SHROOM3: variants seen among roughly 807,000 people sequenced by gnomAD.
SHROOM3 encodes protein Shroom3.
SHROOM3 carries 47 observed loss-of-function variants against 138.6 expected under a neutral mutation model. The ratio of observed to expected loss-of-function variants is 0.34; its 90% CI spans 0.27 to 0.43. The LOEUF (loss-of-function observed/expected upper bound fraction) is 0.43, where lower values mean the gene tolerates loss of function less well. Ranked by LOEUF, SHROOM3 falls within the 20% of genes least tolerant of loss-of-function variation. The probability of loss-of-function intolerance (pLI) is 1.00; values close to 1 mark genes in which losing one functional copy is unlikely to be tolerated. For synonymous variants in SHROOM3, 1,062 were observed against 1,063.3 expected, an observed-to-expected ratio of 1.00 and a Z score of 0.02; for missense variants, 2,491 against 2,596.5, an observed-to-expected ratio of 0.96 and a Z score of 0.88.
Position 76,781,591 on chromosome 4 carries a change from C to T in SHROOM3, c.*2414C>T, listed in dbSNP as rs1174839747. 1 of 152,224 alleles carries T rather than the reference C, an allele frequency of 6.6e-6. No individual in the cohort carries two copies. The highest frequency in any genetic ancestry group is 2.4e-5 in the African/African-American group (1 of 41,454). 9.4% of individuals were successfully genotyped at this position (152,224 alleles called of 1,614,324 possible). On this transcript the variant is annotated 3_prime_UTR_variant, in exon 11 of 11. Transcript: ENST00000296043. ...GTTCTGTTATGTGAAATGGGTAAGG[C>T]ACCAAGTGAGACTTTGAAATCTAAT...
At chr4:76,765,678 ACAGACATCTAT>A (rs2109787212) in intron 9 of SHROOM3, among the ~76,000 whole-genome samples, 1 of 152,316 alleles carries the variant, frequency 6.6e-6, no homozygotes, top group South Asian at 2.1e-4. Context: ...TATTCCCCCT[ACAGACATCTAT>A]CTAATATGAG....
intron 1 of SHROOM3, among the ~76,000 whole-genome samples, chr4:76,502,685 TA>T (rs1027570510): frequency 2.4e-4 from 37 of 152,322 alleles, no homozygotes; most frequent in African/African-American, 8.4e-4. Flanking sequence ...CATGGCTTTG[TA>T]TGGTTTTTAA....
At chr4:76,616,871 CA>C (rs1734894120) in intron 2 of SHROOM3, among the ~76,000 whole-genome samples, 1 of 152,186 alleles carries the variant, frequency 6.6e-6, no homozygotes, top group Non-Finnish European at 1.5e-5. Flanking sequence ...AAAGAAATAA[CA>C]ATAATTGGTC....
intron 2 of SHROOM3, among the ~76,000 whole-genome samples, chr4:76,590,082 C>T (rs1337458883): frequency 1.3e-5 from 2 of 152,148 alleles, no homozygotes; most frequent in African/African-American, 4.8e-5. Flanking sequence ...CACTAAAATG[C>T]TTCAGGCCAA....
chr4:76,777,074 A>G (rs976652206), intron 10 of SHROOM3, among the ~76,000 whole-genome samples: 3 of 152,128 alleles, frequency 2.0e-5, no homozygotes, highest in African/African-American at 4.8e-5. Context: ...TGCTTTGGCT[A>G]TGCGGGCTCT....
intron 2 of SHROOM3, among the ~76,000 whole-genome samples, chr4:76,609,726 A>G (rs533828058): frequency 1.3e-5 from 2 of 152,364 alleles, no homozygotes; most frequent in South Asian, 4.1e-4. Context: ...TTAGCAGGCA[A>G]TTAAGTCTTT....
At chr4:76,479,255 C>G (rs1731552818) in intron 1 of SHROOM3, among the ~76,000 whole-genome samples, 1 of 151,764 alleles carries the variant, frequency 6.6e-6, no homozygotes, top group South Asian at 2.1e-4. Context: ...GAATTGCTAA[C>G]TAGAACACCC....
chr4:76,608,695 GCACAGCACAGCACA>G (rs1248493127), intron 2 of SHROOM3, among the ~76,000 whole-genome samples: 13 of 132,944 alleles, frequency 9.8e-5, no homozygotes, highest in Non-Finnish European at 4.7e-5. Context: ...GCACAGCACA[GCACAGCACAGCACA>G]GCACAGCACA....
rs899463110 is a variant in SHROOM3 at position 76,561,976 on chromosome 4, A to T, written c.323+6213A>T. On this transcript the variant is annotated intron_variant, in intron 2 of 10. Transcript: ENST00000296043. The stretch of plus-strand genomic sequence containing the variant: ...CGGTGAGCCAAGATCCCGCCATTGC[A>T]CTCCAGCTTGGGCAACAAGAGCGAA... Among the ~76,000 whole-genome samples, 6 of 152,196 alleles carry T rather than the reference A, an allele frequency of 3.9e-5. No homozygotes were observed. In the South Asian group the frequency reaches 1.2e-3, roughly 32 times the overall value.
At chr4:76,733,825 TGAGA>T (rs368468350) in intron 4 of SHROOM3, among the ~76,000 whole-genome samples, 1 of 150,614 alleles carries the variant, frequency 6.6e-6, no homozygotes, top group East Asian at 1.9e-4. Context: ...AGGAGTGAGG[TGAGA>T]GAGAGAGAGA....
At chr4:76,657,375 C>G (rs747404487) in intron 2 of SHROOM3, among the ~76,000 whole-genome samples, 1 of 152,218 alleles carries the variant, frequency 6.6e-6, no homozygotes. Flanking sequence ...GAAAGAAACA[C>G]AGTATTTGAA....
intron 9 of SHROOM3, among the ~76,000 whole-genome samples, chr4:76,766,754 A>G (rs1722168974): frequency 6.6e-6 from 1 of 152,156 alleles, no homozygotes; most frequent in African/African-American, 2.4e-5. Context: ...TAAAATTCAA[A>G]TTATCATATT....
chr4:76,564,675 C>T (rs139778995), intron 2 of SHROOM3, among the ~76,000 whole-genome samples: 46 of 152,298 alleles, frequency 3.0e-4, no homozygotes, highest in Non-Finnish European at 4.9e-4. Context: ...CAATGGGTTA[C>T]ATATGCTTAC....
intron 1 of SHROOM3, among the ~76,000 whole-genome samples, chr4:76,441,359 T>C (rs556501362): frequency 1.3e-5 from 2 of 152,170 alleles, no homozygotes; most frequent in South Asian, 4.1e-4. Context: ...TCCCAAAGTG[T>C]TGGGATTACA....
chr4:76,454,084 C>T (rs1730979573), intron 1 of SHROOM3, among the ~76,000 whole-genome samples: 1 of 152,088 alleles, frequency 6.6e-6, no homozygotes, highest in African/African-American at 2.4e-5. Context: ...GCTCTTGTTG[C>T]TCAGGCTGGA....
At chr4:76,765,416 G>A (rs1040153423) in intron 9 of SHROOM3, among the ~76,000 whole-genome samples, 4 of 152,018 alleles carry the variant, frequency 2.6e-5, no homozygotes, top group Non-Finnish European at 2.9e-5. Context: ...TACCTGGGAC[G>A]CTGAGGTGGG....
chr4:76,640,563 T>C (rs1735638195), intron 2 of SHROOM3, among the ~76,000 whole-genome samples: 1 of 152,216 alleles, frequency 6.6e-6, no homozygotes, highest in Non-Finnish European at 1.5e-5. Flanking sequence ...AGAAACAGTA[T>C]GAGACTTGCT....
chr4:76,676,980 A>G (rs1719057541), intron 2 of SHROOM3, among the ~76,000 whole-genome samples: 1 of 151,688 alleles, frequency 6.6e-6, no homozygotes, highest in African/African-American at 2.4e-5. Flanking sequence ...AAAAGGAAAA[A>G]GAAAATTTCT....
intron 8 of SHROOM3, among the ~76,000 whole-genome samples, chr4:76,757,689 C>G (rs748278891): frequency 6.6e-6 from 1 of 152,218 alleles, no homozygotes; most frequent in Admixed American, 6.5e-5. Context: ...AGTCCGTGAG[C>G]CTCTGCTTCT....
Sources: allele counts gnomAD v4.1 joint callset (sites outside exome capture counted in the v4.1 genomes callset), GRCh38; gene constraint gnomAD v4.1.1; transcripts MANE v1.5; gene names NCBI Gene and HGNC (gene_info 2026-07-23, HGNC 2026-07-21).